TSPAN8: variants seen among roughly 807,000 people sequenced by gnomAD.
TSPAN8 encodes tetraspanin-8.
Under a neutral mutation model 32.8 loss-of-function variants are expected in TSPAN8, and 21 were observed. The ratio of observed to expected loss-of-function variants is 0.64; its 90% CI spans 0.45 to 0.92. The LOEUF (loss-of-function observed/expected upper bound fraction) is 0.92, where lower values mean the gene tolerates loss of function less well. TSPAN8 is among the 40% of genes least tolerant of loss of function. The pLI is 0.00. For synonymous variants in TSPAN8, 95 were observed against 94.6 expected (o/e 1.00, Z -0.03); for missense variants, 269 against 281.9 (o/e 0.95, Z 0.33).
At chr12:71,130,267 T>C (rs1871480263) in intron 7 of TSPAN8, among the ~76,000 whole-genome samples, 1 of 152,188 alleles carries the variant, frequency 6.6e-6, no homozygotes, top group Admixed American at 6.5e-5. Context: ...AACAACATAT[T>C]TTCAAAATCC....
intron 2 of TSPAN8, chr12:71,156,817 C>T (rs1039169002): frequency 1.3e-5 from 2 of 152,202 alleles, no homozygotes; most frequent in Non-Finnish European, 2.9e-5. Context: ...CACTGATTGA[C>T]ATTTAAACAA....
At chr12:71,134,200 C>T (rs574774039) in intron 6 of TSPAN8, among the ~76,000 whole-genome samples, 5 of 151,952 alleles carry the variant, frequency 3.3e-5, no homozygotes, top group Non-Finnish European at 7.4e-5. Flanking sequence ...ATAAGAACTC[C>T]CAGGTTGAAG....
chr12:71,157,405 T>C (rs566431455), intron 2 of TSPAN8: 1 of 478,040 alleles, frequency 2.1e-6, no homozygotes, highest in African/African-American at 1.9e-5. Context: ...GAAATGTTTA[T>C]CCTCACATTC....
At chr12:71,139,307 T>C in intron 4 of TSPAN8, 1 of 454,880 alleles carries the variant, frequency 2.2e-6, no homozygotes, top group Non-Finnish European at 4.3e-6. Flanking sequence ...CTTATTCACT[T>C]CTGCCCTGGT....
chr12:71,138,072 A>T lies in TSPAN8; in HGVS notation c.337-12T>A, dbSNP rs771385633. 6.2e-7 allele frequency: 1 copy of T among 1,612,066 alleles called. No individual in the cohort carries two copies. The highest frequency in any genetic ancestry group is 8.5e-7 in the Non-Finnish European group (1 of 1,179,464). On this transcript the variant is annotated splice_polypyrimidine_tract_variant and intron_variant, in intron 5 of 8. Coordinates refer to ENST00000247829, the MANE Select transcript of TSPAN8 (RefSeq NM_004616.3). Reference sequence around the variant, plus strand: ...ACAATGCGATCAGACTGAAAATTGAAAAGTATTTTACATTATTCACGCCAC... The same window carrying T: ...ACAATGCGATCAGACTGAAAATTGATAAGTATTTTACATTATTCACGCCAC...
chr12:71,129,246 G>C, intron 8 of TSPAN8, 85 bp downstream of exon 8: 1 of 1,209,184 alleles, frequency 8.3e-7, no homozygotes, highest in Non-Finnish European at 1.1e-6. Flanking sequence ...TTTTTTTTCT[G>C]TTTGTTTGTT....
chr12:71,154,152 T>C (rs1466873904), intron 2 of TSPAN8, among the ~76,000 whole-genome samples: 1 of 151,648 alleles, frequency 6.6e-6, no homozygotes, highest in African/African-American at 2.4e-5. Context: ...CCACTAAAAA[T>C]ACAAAAAGTT....
chr12:71,150,640 A>G (rs1872223703), intron 2 of TSPAN8, among the ~76,000 whole-genome samples: 1 of 152,168 alleles, frequency 6.6e-6, no homozygotes, highest in Non-Finnish European at 1.5e-5. Context: ...CGTTCCCCCA[A>G]TACTATATTA....
intron 2 of TSPAN8, among the ~76,000 whole-genome samples, chr12:71,148,632 C>T (rs1276630927): frequency 1.3e-5 from 2 of 152,090 alleles, no homozygotes; most frequent in East Asian, 3.9e-4. Flanking sequence ...AGGAGTACAG[C>T]TTATTTTGGG....
At chr12:71,145,062 C>T (rs896105477) in intron 2 of TSPAN8, among the ~76,000 whole-genome samples, 3 of 151,982 alleles carry the variant, frequency 2.0e-5, no homozygotes, top group Non-Finnish European at 4.4e-5. Flanking sequence ...ACACAGCAGG[C>T]CTTGGGGGAC....
chr12:71,144,954 G>A (rs867179223), intron 2 of TSPAN8, among the ~76,000 whole-genome samples: 1 of 151,240 alleles, frequency 6.6e-6, no homozygotes, highest in Non-Finnish European at 1.5e-5. Flanking sequence ...GTCATTCAGG[G>A]TTTAAAAAAA....
chr12:71,132,845 T>G lies in TSPAN8; in HGVS notation c.445-21A>C, dbSNP rs111590488. ...TTAAACTGTTTGATAAAAGGTAGAA[T>G]GAGAAGCAGTCAGTAAGAAGATTAA... On this transcript the variant is annotated intron_variant, in intron 6 of 8. Coordinates refer to ENST00000247829, the MANE Select transcript of TSPAN8 (RefSeq NM_004616.3). The G allele has an allele frequency of 4.5e-3, 7,289 of 1,613,288 alleles. 168 individuals carry two copies. The East Asian group carries it at 0.05, about 11-fold the overall frequency.
intron 2 of TSPAN8, among the ~76,000 whole-genome samples, chr12:71,150,333 G>A (rs1223271187): frequency 6.6e-6 from 1 of 152,166 alleles, no homozygotes; most frequent in African/African-American, 2.4e-5. Flanking sequence ...CTTATCAGGA[G>A]TTTCTGATTT....
intron 2 of TSPAN8, among the ~76,000 whole-genome samples, chr12:71,153,866 T>A (rs1164533154): frequency 6.6e-6 from 1 of 152,226 alleles, no homozygotes; most frequent in Non-Finnish European, 1.5e-5. Context: ...TTTCAAAATC[T>A]CTTATGTAGA....
chr12:71,128,430 C>T (rs1473675467), intron 8 of TSPAN8, among the ~76,000 whole-genome samples: 2 of 152,118 alleles, frequency 1.3e-5, no homozygotes, highest in East Asian at 1.9e-4. Context: ...AAGCACAAGG[C>T]ACTCAGCTGA....
At chr12:71,134,812 T>C (rs1462390661) in intron 6 of TSPAN8, among the ~76,000 whole-genome samples, 3 of 152,148 alleles carry the variant, frequency 2.0e-5, no homozygotes, top group Non-Finnish European at 2.9e-5. Context: ...TACTCATAGA[T>C]GAGAGGGTAG....
In TSPAN8 at chr12:71,132,714, A is replaced by T. The variant is rs772379057; in HGVS notation, c.555T>A (p.Asn185Lys). 2 of 1,613,870 alleles carry T rather than the reference A, an allele frequency of 1.2e-6. No homozygotes were observed. The highest frequency in any genetic ancestry group is 2.2e-5 in the South Asian group (2 of 91,062). ...LDKQRPCQSY[N>K]GKQVYKETCI... ...TCACCTCTTTGTAAACTTGTTTTCC[A>T]TTATAGCTTTGGCATGGTCTCTGCT... Residue 185 changes from asparagine (N) to lysine (K), a missense_variant, in exon 7 of 9, where the codon AAT becomes AAA. Transcript: ENST00000247829.
chr12:71,132,565 G>A (rs1029477826), intron 7 of TSPAN8, 128 bp downstream of exon 7: 4 of 1,161,832 alleles, frequency 3.4e-6, no homozygotes, highest in East Asian at 2.5e-5. Flanking sequence ...TTTAATTTGG[G>A]AAATTTCTGA....
chr12:71,139,076 T>A (rs1871806766), intron 4 of TSPAN8: 1 of 455,908 alleles, frequency 2.2e-6, no homozygotes, highest in African/African-American at 2.0e-5. Flanking sequence ...TAAGAGATAA[T>A]TCTGATTATC....
Sources: gnomAD v4.1 joint callset for allele counts (sites outside exome capture counted in the v4.1 genomes callset) on GRCh38, gnomAD v4.1.1 for gene constraint, MANE v1.5 for transcripts, NCBI Gene and HGNC (gene_info 2026-07-23, HGNC 2026-07-21) for gene names.